The following LPA variants were observed in gnomAD, a reference collection of about 807,000 sequenced individuals.
LPA encodes lipoprotein(a).
A neutral mutation model predicts 197.9 loss-of-function variants in LPA; 199 were observed. The ratio of observed to expected loss-of-function variants is 1.01; its 90% CI spans 0.90 to 1.13. The LOEUF is 1.13. Ranked by LOEUF, LPA falls within the 50% of genes most tolerant of loss-of-function variation. LPA has a pLI of 0.00. For missense variants in LPA, 1,853 were observed against 1,785.8 expected (o/e 1.04, Z -0.68); for synonymous variants, 715 against 639.5 (o/e 1.12, Z -1.78).
chr6:160,553,959 G>GCA (rs1456695402), intron 30 of LPA, among the ~76,000 whole-genome samples: 2,603 of 148,490 alleles, frequency 0.018, 86 homozygotes, highest in African/African-American at 0.062. Flanking sequence ...GTGTGTGCGC[G>GCA]CGCGCGCGTG....
At chr6:160,611,342 T>C (rs183998460) in intron 16 of LPA, among the ~76,000 whole-genome samples, 1 of 152,194 alleles carries the variant, frequency 6.6e-6, no homozygotes, top group Non-Finnish European at 1.5e-5. Context: ...CCTCGCCTCC[T>C]CATTTCCCTT....
intron 1 of LPA, among the ~76,000 whole-genome samples, chr6:160,653,385 A>T (rs1023298050): frequency 1.3e-5 from 2 of 152,152 alleles, no homozygotes; most frequent in African/African-American, 4.8e-5. Context: ...AGCAGTAAGG[A>T]TACAGAAGAA....
chr6:160,588,051 T>C (rs538034993), intron 24 of LPA, among the ~76,000 whole-genome samples: 2 of 152,252 alleles, frequency 1.3e-5, no homozygotes, highest in East Asian at 3.9e-4. Flanking sequence ...AACACAGTTC[T>C]CAGAGGTGCA....
rs767165360 is a variant in LPA at position 160,594,026 on chromosome 6, C to T, written c.3561G>A (p.Arg1187=). Residue 1187 remains arginine, a synonymous_variant, in exon 22 of 39, where the codon AGG becomes AGA. Transcript: ENST00000316300. The part of the protein sequence containing the change: ...RGSFSTTVTG[R]TCQSWSSMTP... ...TCATAGAGGACCAAGACTGACATGT[C>T]CTTCCTGTGACAGTGGTAGAGAATG... is the stretch of plus-strand genomic sequence containing the variant. 1.6e-5 allele frequency: 26 copies of T among 1,613,876 alleles called. No homozygotes were observed. Among genetic ancestry groups the T allele is most frequent in the East Asian group, 2.2e-5 (1 of 44,876 alleles).
chr6:160,535,137 TA>T (rs2114993236), intron 37 of LPA, among the ~76,000 whole-genome samples: 1 of 150,706 alleles, frequency 6.6e-6, no homozygotes, highest in East Asian at 2.0e-4. Context: ...GTGATGGTGG[TA>T]TTGGAGATGG....
rs369002488 is a variant in LPA, at chr6:160,611,594, C to G, written c.2571G>C (p.Ser857=). The change falls in exon 16 of 39, where the codon TCG becomes TCC. Residue 857 remains serine (S), a synonymous_variant. Coordinates refer to ENST00000316300, the MANE Select transcript of LPA (RefSeq NM_005577.4). The part of the protein sequence containing the change: ...CQAWSSMTPH[S]HSRTPEYYPN... ...GGTAGTATTCTGGGGTCCGACTATG[C>G]GAGTGTGGTGTCATAGATGACCAAG... is the stretch of plus-strand genomic sequence containing the variant. The G allele has an allele frequency of 1.2e-6, 2 of 1,602,904 alleles. No individual in the cohort carries two copies. Among genetic ancestry groups the G allele is most frequent in the Non-Finnish European group, 1.7e-6 (2 of 1,178,202 alleles).
At chr6:160,656,266 T>C (rs992694913) in intron 1 of LPA, among the ~76,000 whole-genome samples, 1 of 152,220 alleles carries the variant, frequency 6.6e-6, no homozygotes, top group Non-Finnish European at 1.5e-5. Flanking sequence ...ATATTGTTTT[T>C]GATTTTTTTA....
intron 37 of LPA, among the ~76,000 whole-genome samples, chr6:160,534,818 G>C (rs1777860359): frequency 1.3e-5 from 2 of 152,100 alleles, no homozygotes; most frequent in Admixed American, 1.3e-4. Context: ...ATGGGGGTGG[G>C]AGAGAGGAAA....
intron 25 of LPA, 142 bp downstream of exon 25, chr6:160,586,307 C>T: frequency 1.0e-6 from 1 of 963,074 alleles, no homozygotes; most frequent in Non-Finnish European, 1.6e-6. Flanking sequence ...AGAGAAGGCA[C>T]TGAAGCTTCC....
intron 1 of LPA, among the ~76,000 whole-genome samples, chr6:160,663,671 C>T (rs1035342682): frequency 1.3e-5 from 2 of 152,160 alleles, no homozygotes; most frequent in African/African-American, 2.4e-5. Flanking sequence ...AAATGTATAC[C>T]GATGGAAAGC....
At position 160,606,599 on chromosome 6, in the gene LPA, G is replaced by T; in HGVS notation, c.2663C>A (p.Thr888Lys). Residue 888 changes from threonine (T) to lysine (K), a missense_variant, in exon 17 of 39, where the codon ACG (threonine) becomes AAG (lysine). By Grantham distance (78) the Thr-to-Lys change is moderately conservative (BLOSUM62 -1). Coordinates refer to ENST00000316300, the MANE Select transcript of LPA (RefSeq NM_005577.4). ...PDPVAAPYCY[T>K]RDPSVRWEYC... ...CTCCCACCTGACACTGGGATCCCTCGTATAACAATAAGGGGCTGCCACAGG... is the reference window on the plus strand; with the variant it reads ...CTCCCACCTGACACTGGGATCCCTCTTATAACAATAAGGGGCTGCCACAGG... 2 of 1,613,906 alleles carry T rather than the reference G, an allele frequency of 1.2e-6. No individual in the cohort carries two copies. Among genetic ancestry groups the T allele is most frequent in the East Asian group, 4.5e-5 (2 of 44,872 alleles).
intron 37 of LPA, among the ~76,000 whole-genome samples, chr6:160,537,637 CAA>C (rs1207838636): frequency 1.3e-5 from 2 of 152,102 alleles, no homozygotes; most frequent in Admixed American, 1.3e-4. Context: ...ATTCTGAAAA[CAA>C]AAAAGAGAGA....
chr6:160,660,645 G>C (rs965800225), intron 1 of LPA, among the ~76,000 whole-genome samples: 4 of 152,134 alleles, frequency 2.6e-5, no homozygotes, highest in African/African-American at 9.7e-5. Context: ...CTGTCACTTT[G>C]ACAGTTGATA....
At chr6:160,597,420 T>A (rs1210635939) in intron 20 of LPA, among the ~76,000 whole-genome samples, 1 of 152,232 alleles carries the variant, frequency 6.6e-6, no homozygotes, top group Non-Finnish European at 1.5e-5. Flanking sequence ...TACTTCTCTA[T>A]GTTTCAATGC....
rs1562341983 is a variant in LPA at position 160,606,556 on chromosome 6, T to C, written c.2706A>G (p.Gln902=). 1 of 1,613,794 alleles carries C rather than the reference T, an allele frequency of 6.2e-7. No homozygotes were observed. Among genetic ancestry groups the C allele is most frequent in the Non-Finnish European group, 8.5e-7 (1 of 1,179,950 alleles). ...CGGCAGTCCCTTCTGCGTCTGAGCA[T>C]TGTGTCAGGTTGCAGTACTCCCACC... ...SVRWEYCNLT[Q]CSDAEGTAVA... is the part of the protein sequence containing the mutation. The change falls in exon 17 of 39, where the codon CAA becomes CAG. Residue 902 remains glutamine (Q), a synonymous_variant. Transcript: ENST00000316300.
chr6:160,660,973 C>A (rs1243039850), intron 1 of LPA, among the ~76,000 whole-genome samples: 2 of 152,146 alleles, frequency 1.3e-5, no homozygotes, highest in African/African-American at 4.8e-5. Context: ...AAATCTGAGG[C>A]AACAAATCTG....
At chr6:160,578,804 C>T (rs1562329086) in intron 26 of LPA, 100 bp from the exon 27 acceptor site, 1 of 1,550,738 alleles carries the variant, frequency 6.4e-7, no homozygotes, top group South Asian at 1.1e-5. Flanking sequence ...TAACAAGTGC[C>T]TTTGAAATAT....
intron 16 of LPA, among the ~76,000 whole-genome samples, chr6:160,609,043 T>A (rs766006456): frequency 1.1e-4 from 17 of 152,148 alleles, no homozygotes; most frequent in Admixed American, 2.6e-4. Flanking sequence ...GTCAATACTG[T>A]TACTTTCTTT....
Position 160,650,397 on chromosome 6 carries a change from T to C in LPA, c.150A>G (p.Gln50=). 6.2e-7 allele frequency: 1 copy of C among 1,613,944 alleles called. No individual in the cohort carries two copies. The highest frequency in any genetic ancestry group is 2.2e-5 in the East Asian group (1 of 44,874). The change falls in exon 2 of 39, where the codon CAA becomes CAG. Residue 50 remains glutamine, a synonymous_variant. Transcript: ENST00000316300. ...GATGTGGTGTCATAGATGACCAAGC[T>C]TGGCAGGTCCTTCCTGTGACAGTGG... ...YSTTVTGRTC[Q]AWSSMTPHQH...
Sources: gnomAD v4.1 joint callset for allele counts (sites outside exome capture counted in the v4.1 genomes callset) on GRCh38, gnomAD v4.1.1 for gene constraint, MANE v1.5 for transcripts, NCBI Gene and HGNC (gene_info 2026-07-23, HGNC 2026-07-21) for gene names.